CDH13: variants seen among roughly 807,000 people sequenced by gnomAD.
CDH13 encodes the protein cadherin-13.
A neutral mutation model predicts 63.8 loss-of-function variants in CDH13; 24 were observed. The ratio of observed to expected loss-of-function variants is 0.38; its 90% CI spans 0.27 to 0.53. The LOEUF (loss-of-function observed/expected upper bound fraction) is 0.53, where lower values mean the gene tolerates loss of function less well. CDH13 is among the 20% of genes least tolerant of loss of function. The pLI is 0.85. For synonymous variants in CDH13, 503 were observed against 355.3 expected, an observed-to-expected ratio of 1.42 and a Z score of -4.67; for missense variants, 1,049 against 903.1, an observed-to-expected ratio of 1.16 and a Z score of -2.07.
At chr16:82,777,597 C>T (rs551503810) in intron 1 of CDH13, among the ~76,000 whole-genome samples, 3 of 152,272 alleles carry the variant, frequency 2.0e-5, no homozygotes, top group Admixed American at 2.0e-4. Context: ...ACAAATCACC[C>T]CAAAACTTAG....
rs547467569 is a variant in CDH13, at chr16:83,011,057, G to A, written c.158-20953G>A. ...CAGAGTCATGATAAATAAAGATGGT[G>A]TGGAACGTTTCTTCTGTTTCATGCT... is the stretch of plus-strand genomic sequence containing the variant. On this transcript the variant is annotated intron_variant, in intron 2 of 13. Transcript: ENST00000567109. Among the ~76,000 whole-genome samples the A allele has an allele frequency of 2.2e-4, 34 of 152,260 alleles. No individual in the cohort carries two copies. The South Asian group carries it at 6.9e-3, about 31-fold the overall frequency.
intron 7 of CDH13, among the ~76,000 whole-genome samples, chr16:83,576,056 T>C (rs569210000): frequency 6.6e-6 from 1 of 152,344 alleles, no homozygotes; most frequent in African/African-American, 2.4e-5. Context: ...TTGAGTGGCA[T>C]TTAGTACTTT....
At chr16:83,423,445 T>C (rs944918476) in intron 6 of CDH13, among the ~76,000 whole-genome samples, 3 of 151,980 alleles carry the variant, frequency 2.0e-5, no homozygotes, top group Non-Finnish European at 2.9e-5. Flanking sequence ...GAATCCTTGA[T>C]CTCGCATCTT....
intron 8 of CDH13, among the ~76,000 whole-genome samples, chr16:83,633,345 G>A (rs1282464864): frequency 3.9e-5 from 6 of 152,200 alleles, no homozygotes; most frequent in Non-Finnish European, 7.3e-5. Flanking sequence ...TAAGAACCCC[G>A]AAATTGTCAC....
rs146350015 is a variant in CDH13, at chr16:83,728,492, C to T, written c.1539-19616C>T. 7.2e-4 allele frequency among the ~76,000 whole-genome samples: 110 copies of T among 152,248 alleles called. 1 individual carries two copies. The highest frequency in any genetic ancestry group is 1.0e-3 in the Non-Finnish European group (70 of 68,020). ...GTGAGTGAATTAGGCTTGATAAGAA[C>T]TACATTAAAGCTTCTGTTGGAAGAG... On this transcript the variant is annotated intron_variant, in intron 10 of 13. Transcript: ENST00000567109.
chr16:83,427,729 C>T (rs1202067925), intron 6 of CDH13, among the ~76,000 whole-genome samples: 1 of 152,164 alleles, frequency 6.6e-6, no homozygotes, highest in Admixed American at 6.5e-5. Context: ...AGCACCTCTG[C>T]ACTTATGGTC....
chr16:82,832,847 C>G (rs1420172216), intron 1 of CDH13, among the ~76,000 whole-genome samples: 3 of 152,214 alleles, frequency 2.0e-5, no homozygotes, highest in South Asian at 2.1e-4. Flanking sequence ...CTGAATTTAA[C>G]TGCACCAAGG....
At chr16:83,695,635 T>C (rs1905298578) in intron 10 of CDH13, among the ~76,000 whole-genome samples, 1 of 152,034 alleles carries the variant, frequency 6.6e-6, no homozygotes, top group South Asian at 2.1e-4. Context: ...GAATATAAAA[T>C]AGTTATGTTT....
At chr16:83,549,182 C>T (rs1037971707) in intron 7 of CDH13, among the ~76,000 whole-genome samples, 1 of 152,110 alleles carries the variant, frequency 6.6e-6, no homozygotes, top group South Asian at 2.1e-4. Context: ...GGGAAGGACG[C>T]AGACAAGCTG....
At chr16:82,689,788 G>C (rs1289011344) in intron 1 of CDH13, among the ~76,000 whole-genome samples, 1 of 151,642 alleles carries the variant, frequency 6.6e-6, no homozygotes, top group Non-Finnish European at 1.5e-5. Context: ...CCACAGGTTG[G>C]AGCAAACATA....
chr16:82,968,828 G>A (rs957255844), intron 2 of CDH13, among the ~76,000 whole-genome samples: 10 of 152,170 alleles, frequency 6.6e-5, no homozygotes, highest in African/African-American at 2.4e-4. Context: ...TCTGTGTTAA[G>A]TAATAATAAG....
At chr16:83,777,752 C>A (rs371170433) in intron 11 of CDH13, among the ~76,000 whole-genome samples, 2 of 152,206 alleles carry the variant, frequency 1.3e-5, no homozygotes, top group Non-Finnish European at 2.9e-5. Flanking sequence ...TACTCACTAC[C>A]CTTCTAACCC....
chr16:83,568,027 C>T (rs9929824), intron 7 of CDH13, among the ~76,000 whole-genome samples: 2 of 152,166 alleles, frequency 1.3e-5, no homozygotes, highest in Non-Finnish European at 2.9e-5. Flanking sequence ...TACTTCACCT[C>T]CAAACCCAGC....
intron 5 of CDH13, among the ~76,000 whole-genome samples, chr16:83,295,556 C>T (rs745506065): frequency 1.3e-5 from 2 of 152,066 alleles, no homozygotes; most frequent in Admixed American, 6.5e-5. Flanking sequence ...ATAAAAATGG[C>T]CAGCAGGCAT....
intron 6 of CDH13, among the ~76,000 whole-genome samples, chr16:83,444,719 G>A (rs941765537): frequency 2.0e-5 from 3 of 146,790 alleles, no homozygotes; most frequent in Non-Finnish European, 4.5e-5. Flanking sequence ...GCAGATCTTT[G>A]TGGGGCAGTG....
intron 2 of CDH13, among the ~76,000 whole-genome samples, chr16:82,877,578 T>C (rs2040546127): frequency 6.6e-6 from 1 of 152,102 alleles, no homozygotes; most frequent in Non-Finnish European, 1.5e-5. Context: ...AGCAATGCAA[T>C]GGGGGGAAAC....
intron 1 of CDH13, among the ~76,000 whole-genome samples, chr16:82,730,634 G>A (rs1215941605): frequency 6.6e-6 from 1 of 152,186 alleles, no homozygotes; most frequent in Non-Finnish European, 1.5e-5. Context: ...ACACAGACAA[G>A]AAGTGAGCAC....
At chr16:82,886,283 G>C (rs1017336049) in intron 2 of CDH13, among the ~76,000 whole-genome samples, 4 of 152,098 alleles carry the variant, frequency 2.6e-5, no homozygotes, top group Admixed American at 2.0e-4. Flanking sequence ...AGTGAAATTG[G>C]TGGTTACAGA....
intron 10 of CDH13, among the ~76,000 whole-genome samples, chr16:83,733,890 C>T (rs1008696346): frequency 7.9e-5 from 12 of 152,190 alleles, no homozygotes; most frequent in Non-Finnish European, 1.3e-4. Flanking sequence ...CTGCAAGCAG[C>T]GCAGCCTGAG....
Sources: allele counts gnomAD v4.1 joint callset (sites outside exome capture counted in the v4.1 genomes callset), GRCh38; gene constraint gnomAD v4.1.1; transcripts MANE v1.5; gene names NCBI Gene and HGNC (gene_info 2026-07-23, HGNC 2026-07-21).